PHF20: variants seen among roughly 807,000 people sequenced by gnomAD.
PHF20 encodes glioma-expressed antigen 2.
A neutral mutation model predicts 113.5 loss-of-function variants in PHF20; 23 were observed. The ratio of observed to expected loss-of-function variants is 0.20; its 90% CI spans 0.15 to 0.29. The LOEUF is 0.29. Ranked by LOEUF, PHF20 falls within the 10% of genes least tolerant of loss-of-function variation. The pLI, the probability that PHF20 is intolerant of heterozygous loss-of-function variation, is 1.00. For missense variants in PHF20, 943 were observed against 1,219.6 expected (o/e 0.77, Z 3.38); for synonymous variants, 434 against 457.3 (o/e 0.95, Z 0.65).
At chr20:35,852,877 G>A (rs1314606449) in intron 4 of PHF20, among the ~76,000 whole-genome samples, 1 of 151,122 alleles carries the variant, frequency 6.6e-6, no homozygotes, top group African/African-American at 2.4e-5. Context: ...AATTACAGGC[G>A]TGAGCCACCG....
At chr20:35,773,634 A>G (rs2041110276) in intron 1 of PHF20, among the ~76,000 whole-genome samples, 1 of 152,028 alleles carries the variant, frequency 6.6e-6, no homozygotes, top group African/African-American at 2.4e-5. Flanking sequence ...CCAATCCCCA[A>G]ACATTTTTCT....
At chr20:35,775,583 G>C (rs1165821437) in intron 1 of PHF20, among the ~76,000 whole-genome samples, 1 of 151,854 alleles carries the variant, frequency 6.6e-6, no homozygotes, top group Non-Finnish European at 1.5e-5. Flanking sequence ...GTGAAACCCT[G>C]TCTCTACTAA....
At chr20:35,939,552 T>C (rs907345708) in intron 16 of PHF20, among the ~76,000 whole-genome samples, 3 of 152,252 alleles carry the variant, frequency 2.0e-5, no homozygotes, top group East Asian at 1.9e-4. Context: ...CTTTTAACTT[T>C]GAAGCCCTGT....
intron 1 of PHF20, among the ~76,000 whole-genome samples, chr20:35,800,507 A>G (rs2041759540): frequency 3.3e-5 from 5 of 152,216 alleles, no homozygotes. Context: ...GCAGTGGTTC[A>G]CGCCTGTAAT....
At chr20:35,946,287 C>T (rs983144096) in intron 17 of PHF20, among the ~76,000 whole-genome samples, 10 of 150,974 alleles carry the variant, frequency 6.6e-5, no homozygotes, top group South Asian at 4.2e-4. Flanking sequence ...TACAAAAATT[C>T]GCCGGGCGTG....
At chr20:35,931,519 G>A in intron 15 of PHF20, 75 bp downstream of exon 15, 1 of 1,154,308 alleles carries the variant, frequency 8.7e-7, no homozygotes, top group Non-Finnish European at 1.2e-6. Flanking sequence ...TGAGAAATTG[G>A]AAAGCTACCA....
At chr20:35,803,426 C>G (rs1028984755) in intron 2 of PHF20, among the ~76,000 whole-genome samples, 12 of 150,630 alleles carry the variant, frequency 8.0e-5, no homozygotes, top group Non-Finnish European at 1.5e-4. Flanking sequence ...TAGGTTCAAG[C>G]AATTCCTCTG....
At position 35,917,672 on chromosome 20, in the gene PHF20, G is replaced by A. The variant is rs1308400396; in HGVS notation, c.2004+10G>A. ...TGACTTCATGATTCAGGTAGGCAGA[G>A]CTTCCAGGAAACAGGTCTAGAGAAG... On this transcript the variant is annotated intron_variant, in intron 13 of 17. Transcript: ENST00000374012. 6 of 1,610,006 alleles carry A rather than the reference G, an allele frequency of 3.7e-6. No individual in the cohort carries two copies. Among genetic ancestry groups the A allele is most frequent in the African/African-American group, 1.3e-5 (1 of 74,812 alleles).
intron 9 of PHF20, among the ~76,000 whole-genome samples, chr20:35,876,723 C>T (rs1246778145): frequency 1.3e-5 from 2 of 149,884 alleles, no homozygotes; most frequent in African/African-American, 4.9e-5. Flanking sequence ...GTAATTCTAG[C>T]ACTTTGGGAG....
chr20:35,842,511 T>C, intron 2 of PHF20, 62 bp from the exon 3 acceptor site: 1 of 1,391,448 alleles, frequency 7.2e-7, no homozygotes, highest in Non-Finnish European at 1.0e-6. Flanking sequence ...TGTACCATTA[T>C]GGATATTTGG....
intron 2 of PHF20, among the ~76,000 whole-genome samples, chr20:35,831,648 TC>T (rs2042360445): frequency 1.3e-5 from 2 of 152,074 alleles, no homozygotes; most frequent in African/African-American, 4.8e-5. Flanking sequence ...GACGGAGTCT[TC>T]CTATGCTGCC....
At chr20:35,900,314 G>A (rs577036995) in intron 10 of PHF20, among the ~76,000 whole-genome samples, 2 of 152,158 alleles carry the variant, frequency 1.3e-5, no homozygotes, top group East Asian at 3.9e-4. Context: ...ACTTGCTATT[G>A]TAATATCACT....
At chr20:35,788,533 G>T (rs1375927399) in intron 1 of PHF20, among the ~76,000 whole-genome samples, 4 of 152,006 alleles carry the variant, frequency 2.6e-5, no homozygotes, top group Non-Finnish European at 4.4e-5. Context: ...ATTGCACCTG[G>T]CCTCTTTTCT....
chr20:35,807,976 T>C (rs1206939761), intron 2 of PHF20, among the ~76,000 whole-genome samples: 2 of 152,146 alleles, frequency 1.3e-5, no homozygotes, highest in African/African-American at 2.4e-5. Context: ...TCTGTAATTA[T>C]ATGCAGTAGG....
chr20:35,809,424 C>T lies in PHF20; in HGVS notation c.83+7819C>T, dbSNP rs146095501. 2.3e-3 allele frequency among the ~76,000 whole-genome samples: 355 copies of T among 151,708 alleles called. 3 individuals are homozygous for T. The highest frequency in any genetic ancestry group is 0.02 in the Admixed American group (306 of 15,188). On this transcript the variant is annotated intron_variant, in intron 2 of 17. Transcript: ENST00000374012. ...TGAAACCCTGTCTCTACTAAAAGTA[C>T]AAAAATCAGTCAGACATGGTGGTGT...
rs1208104949 is a variant in PHF20 at position 35,884,399 on chromosome 20, TG to T, written c.1282+12571del. Among the ~76,000 whole-genome samples, 6 of 152,322 alleles carry T rather than the reference TG, an allele frequency of 3.9e-5. No individual in the cohort carries two copies. In the South Asian group the frequency reaches 8.3e-4, roughly 21 times the overall value. ...GCAACACATCTAGTCTAGGGCTAGC[TG>T]TTCCAACCTAACTCTGGCATTTGGG... On this transcript the variant is annotated intron_variant, in intron 9 of 17. Coordinates refer to ENST00000374012, the MANE Select transcript of PHF20 (RefSeq NM_016436.5).
At chr20:35,885,467 C>CTTTTTTTTTTTTTTTT (rs577878410) in intron 9 of PHF20, among the ~76,000 whole-genome samples, 5 of 35,736 alleles carry the variant, frequency 1.4e-4, no homozygotes, top group African/African-American at 5.4e-4. Context: ...GGGGAATAAG[C>CTTTTTTTTTTTTTTTT]TTTTTTTTTT....
At chr20:35,832,231 T>C (rs550648235) in intron 2 of PHF20, among the ~76,000 whole-genome samples, 73 of 152,316 alleles carry the variant, frequency 4.8e-4, no homozygotes, top group Non-Finnish European at 8.1e-4. Context: ...CAGGGTTGTC[T>C]TGGGCCCTCC....
At chr20:35,910,647 C>T (rs908743092) in intron 10 of PHF20, among the ~76,000 whole-genome samples, 3 of 151,920 alleles carry the variant, frequency 2.0e-5, no homozygotes, top group African/African-American at 4.8e-5. Context: ...TTCTTCCCCC[C>T]CGAGATGGAG....
Sources: allele counts gnomAD v4.1 joint callset (sites outside exome capture counted in the v4.1 genomes callset), GRCh38; gene constraint gnomAD v4.1.1; transcripts MANE v1.5; gene names NCBI Gene and HGNC (gene_info 2026-07-23, HGNC 2026-07-21).